ABCC3: variants seen among roughly 807,000 people sequenced by gnomAD.
The protein encoded by ABCC3 is ATP binding cassette subfamily C member 3.
In ABCC3, 121 loss-of-function variants were observed where a neutral mutation model predicts 165.3. That is an observed-to-expected ratio of 0.73 (90% CI 0.63 to 0.85). The LOEUF (loss-of-function observed/expected upper bound fraction) is 0.85. Among genes scored for constraint, ABCC3 ranks in the 40% least tolerant of loss-of-function variants. ABCC3 has a pLI of 0.00. For synonymous variants in ABCC3, 733 were observed against 810.1 expected (o/e 0.90, Z 1.62); for missense variants, 1,869 against 1,964.1 (o/e 0.95, Z 0.92).
intron 8 of ABCC3, among the ~76,000 whole-genome samples, chr17:50,662,488 A>G (rs1345535189): frequency 6.6e-6 from 1 of 151,920 alleles, no homozygotes; most frequent in Non-Finnish European, 1.5e-5. Context: ...AAGTTAAGAT[A>G]TTAGCCAGGC....
chr17:50,640,436 C>T (rs1031059534), intron 1 of ABCC3, among the ~76,000 whole-genome samples: 7 of 152,246 alleles, frequency 4.6e-5, no homozygotes, highest in African/African-American at 1.7e-4. Context: ...CTTCCAGAAG[C>T]ACATTGGCCA....
chr17:50,643,848 G>GT (rs1371435953), intron 1 of ABCC3, among the ~76,000 whole-genome samples: 2 of 152,042 alleles, frequency 1.3e-5, no homozygotes, highest in African/African-American at 4.8e-5. Context: ...AGATGCCATG[G>GT]GGGGGGTCTT....
In ABCC3 at chr17:50,684,031, A is replaced by C; in HGVS notation, c.4037A>C (p.Glu1346Ala). The change falls in exon 28 of 31, where the codon GAA (glutamate) becomes GCA (alanine). Residue 1346 changes from glutamate to alanine, a missense_variant. Coordinates refer to ENST00000285238, the MANE Select transcript of ABCC3 (RefSeq NM_003786.4). ...LFRILEAAKGEIRIDGLNVAD... is the reference protein window; with the variant it reads ...LFRILEAAKGAIRIDGLNVAD... ...CGCATCCTGGAGGCGGCAAAGGGTG[A>C]AATCCGCATTGATGGCCTCAATGTG... 2 of 1,612,832 alleles carry C rather than the reference A, an allele frequency of 1.2e-6. No homozygotes were observed. Among genetic ancestry groups the C allele is most frequent in the Middle Eastern group, 1.7e-4 (1 of 6,056 alleles).
intron 17 of ABCC3, among the ~76,000 whole-genome samples, chr17:50,669,884 C>T (rs1967610512): frequency 6.6e-6 from 1 of 152,106 alleles, no homozygotes; most frequent in African/African-American, 2.4e-5. Context: ...CAGCTTGGAA[C>T]TCCTGGGCTC....
In ABCC3 at chr17:50,659,363, G is replaced by T. The variant is rs777579345; in HGVS notation, c.801G>T (p.Thr267=). The T allele has an allele frequency of 3.7e-6, 6 of 1,607,668 alleles. No individual in the cohort carries two copies. Among genetic ancestry groups the T allele is most frequent in the Non-Finnish European group, 5.1e-6 (6 of 1,175,226 alleles). The change falls in exon 7 of 31, where the codon ACG becomes ACT. Residue 267 remains threonine (T), a synonymous_variant. Coordinates refer to ENST00000285238, the MANE Select transcript of ABCC3 (RefSeq NM_003786.4). ...LEAWRKQEKQ[T]ARHKASAAPG... ...CATGGAGGAAGCAGGAAAAGCAGAC[G>T]GCACGGTGAGGCCCTCCCCTTGCCC...
chr17:50,658,305 A>G, intron 5 of ABCC3, 98 bp downstream of exon 5: 2 of 1,593,772 alleles, frequency 1.3e-6, no homozygotes, highest in Non-Finnish European at 1.7e-6. Flanking sequence ...TCAAAGTGGG[A>G]GAGAGGTCAT....
rs568757120 is a variant in ABCC3, at chr17:50,684,948, G to A, written c.4280+73G>A. The A allele has an allele frequency of 6.7e-5, 102 of 1,522,522 alleles. No homozygotes were observed. The African/African-American group carries it at 1.3e-3, about 19-fold the overall frequency. The allele number at this position is 1,522,522 out of a possible 1,614,324, so 94.3% of individuals were successfully genotyped here. ...AACCCTGGCGGGTGCTGGGAAACCT[G>A]ACACCAATGACACAGAGATGAGGCC... On this transcript the variant is annotated intron_variant, in intron 29 of 30. Coordinates refer to ENST00000285238, the MANE Select transcript of ABCC3 (RefSeq NM_003786.4).
intron 14 of ABCC3, 73 bp from the exon 15 acceptor site, chr17:50,668,780 C>G (rs1967580116): frequency 1.5e-6 from 2 of 1,293,252 alleles, no homozygotes; most frequent in African/African-American, 2.9e-5. Flanking sequence ...CTTTCCCCTG[C>G]CCCCCAGCCT....
At chr17:50,678,260 A>T (rs188121976) in intron 25 of ABCC3, 41 bp downstream of exon 25, 75 of 1,509,484 alleles carry the variant, frequency 5.0e-5, no homozygotes, top group Non-Finnish European at 6.5e-5. Context: ...CACCACTGGG[A>T]CAGAAACCAC....
chr17:50,674,798 A>ATTTT (rs776451103), intron 19 of ABCC3, among the ~76,000 whole-genome samples: 1 of 133,778 alleles, frequency 7.5e-6, no homozygotes, highest in African/African-American at 2.8e-5. Context: ...AGTCATGCAG[A>ATTTT]TTTTTTTTTT....
In ABCC3 at chr17:50,667,768, G is replaced by A. The variant is rs776441569; in HGVS notation, c.1635+11G>A. ...TGCAGCCCCTTCCTGGTGAGGCTTG[G>A]CACAGGGCTGGGTCCCTGCCTCCAG... On this transcript the variant is annotated intron_variant, in intron 12 of 30. Transcript: ENST00000285238. 2 of 1,614,066 alleles carry A rather than the reference G, an allele frequency of 1.2e-6. No individual in the cohort carries two copies. The highest frequency in any genetic ancestry group is 1.7e-6 in the Non-Finnish European group (2 of 1,180,024).
intron 14 of ABCC3, 135 bp downstream of exon 14, chr17:50,668,652 T>G (rs1967577408): frequency 1.3e-6 from 1 of 799,866 alleles, no homozygotes; most frequent in Admixed American, 2.4e-5. Context: ...TCTGACCTCC[T>G]CCCTCTTCCG....
Position 50,691,196 on chromosome 17 carries a change from C to T in ABCC3, c.4580C>T (p.Ala1527Val), listed in dbSNP as rs950099105. The change falls in exon 31 of 31, where the codon GCC (alanine) becomes GTC (valine). Residue 1527 changes from alanine to valine, a missense_variant. By Grantham distance (64) the Ala-to-Val change is moderately conservative. Transcript: ENST00000285238. Reference sequence around the variant, plus strand: ...GGGATGGCCAGAGATGCTGGACTTGCCTAAAATATATTCCTGAGATTTCCT... The same window carrying T: ...GGGATGGCCAGAGATGCTGGACTTGTCTAAAATATATTCCTGAGATTTCCT... ...FYGMARDAGL[A>V] The T allele has an allele frequency of 6.2e-7, 1 of 1,611,844 alleles. No individual in the cohort carries two copies. The highest frequency in any genetic ancestry group is 8.5e-7 in the Non-Finnish European group (1 of 1,177,918).
chr17:50,650,990 A>G (rs774505621), intron 1 of ABCC3, among the ~76,000 whole-genome samples: 28 of 143,758 alleles, frequency 1.9e-4, no homozygotes, highest in Non-Finnish European at 3.6e-4. Context: ...ACCTGAACCC[A>G]GGAGGTGGAG....
chr17:50,687,436 A>G, intron 29 of ABCC3, 100 bp from the exon 30 acceptor site: 2 of 1,213,134 alleles, frequency 1.6e-6, no homozygotes, highest in Non-Finnish European at 2.3e-6. Context: ...CAGACAGAAA[A>G]CCAGTCCTGG....
Position 50,668,439 on chromosome 17 carries a change from T to G in ABCC3, c.1792T>G (p.Ser598Ala). The change falls in exon 14 of 31, where the codon TCT (serine) becomes GCT (alanine). Residue 598 changes from serine to alanine, a missense_variant. Coordinates refer to ENST00000285238, the MANE Select transcript of ABCC3 (RefSeq NM_003786.4). ...TCACATCCTCCCGTAGGCCAGTGTG[T>G]CTCTGAAACGGATCCAGCAATTCCT... ...LISNLTQASV[S>A]LKRIQQFLSQ... is the part of the protein sequence containing the mutation. 6.2e-7 allele frequency: 1 copy of G among 1,613,806 alleles called. No individual in the cohort carries two copies. The highest frequency in any genetic ancestry group is 8.5e-7 in the Non-Finnish European group (1 of 1,179,842).
intron 25 of ABCC3, chr17:50,678,873 TCACGCCACTG>T (rs1967879244): frequency 6.6e-6 from 1 of 151,696 alleles, no homozygotes; most frequent in South Asian, 2.1e-4. Flanking sequence ...TGAGCCAAGA[TCACGCCACTG>T]CACTCCAGCC....
intron 29 of ABCC3, among the ~76,000 whole-genome samples, chr17:50,686,411 C>T (rs905360766): frequency 6.6e-6 from 1 of 152,118 alleles, no homozygotes; most frequent in African/African-American, 2.4e-5. Flanking sequence ...CCTCCCTCAC[C>T]TGGACAACAT....
chr17:50,656,081 A>AAATT (rs887966669), intron 2 of ABCC3, 73 bp downstream of exon 2: 14 of 1,155,692 alleles, frequency 1.2e-5, no homozygotes, highest in East Asian at 9.1e-5. Flanking sequence ...TAATTTAATT[A>AAATT]AATTAATTAA....
Sources: allele counts gnomAD v4.1 joint callset (sites outside exome capture counted in the v4.1 genomes callset), GRCh38; gene constraint gnomAD v4.1.1; transcripts MANE v1.5; gene names NCBI Gene and HGNC (gene_info 2026-07-23, HGNC 2026-07-21).